GLB1L: variants seen among roughly 807,000 people sequenced by gnomAD.
GLB1L encodes galactosidase beta 1 like, also known as beta-galactosidase-1-like protein.
A neutral mutation model predicts 75.7 loss-of-function variants in GLB1L; 58 were observed. The observed-to-expected ratio is 0.77, with a 90% CI of 0.62 to 0.95. The LOEUF is 0.95. Among genes scored for constraint, GLB1L ranks in the 40% least tolerant of loss-of-function variants. GLB1L has a pLI of 0.00. For missense variants in GLB1L, 797 were observed against 805.5 expected (o/e 0.99, Z 0.13); for synonymous variants, 296 against 303.0 (o/e 0.98, Z 0.24).
At chr2:219,242,040 T>A (rs1559267045) in intron 5 of GLB1L, among the ~76,000 whole-genome samples, 1 of 151,956 alleles carries the variant, frequency 6.6e-6, no homozygotes, top group African/African-American at 2.4e-5. Context: ...CAGGCTGGAG[T>A]GTAGTTGTTC....
chr2:219,241,209 T>G (rs1274002556), intron 5 of GLB1L, among the ~76,000 whole-genome samples: 1 of 150,856 alleles, frequency 6.6e-6, no homozygotes, highest in African/African-American at 2.4e-5. Flanking sequence ...TGAAACCCCA[T>G]CTCTACTAAA....
In GLB1L at chr2:219,237,168, G is replaced by A. The variant is rs766386541; in HGVS notation, c.1869C>T (p.Ile623=). The part of the protein sequence containing the change: ...QPQVQFLDKP[I]LNSTSTLHRT... ...TGTGCAAAGTACTAGTGCTATTGAG[G>A]ATAGGCTTATCCAAAAATTGGACTT... is the stretch of plus-strand genomic sequence containing the variant. The change falls in exon 17 of 17, where the codon ATC becomes ATT. Residue 623 remains isoleucine (I), a synonymous_variant. Transcript: ENST00000295759. 1.2e-6 allele frequency: 2 copies of A among 1,614,142 alleles called. No homozygotes were observed. The highest frequency in any genetic ancestry group is 8.5e-7 in the Non-Finnish European group (1 of 1,179,972).
chr2:219,238,268 G>A lies in GLB1L; in HGVS notation c.1323C>T (p.Ala441=), dbSNP rs1306822095. 1 of 1,607,592 alleles carries A rather than the reference G, an allele frequency of 6.2e-7. No individual in the cohort carries two copies. The highest frequency in any genetic ancestry group is 1.1e-5 in the South Asian group (1 of 90,438). Reference sequence around the variant, plus strand: ...TTCTCACCCCATCCACCATCACATAGGCACGGTCATGGACTCCATTATTTG... The same window carrying A: ...TTCTCACCCCATCCACCATCACATAAGCACGGTCATGGACTCCATTATTTG... ...WVPNNGVHDR[A]YVMVDGVFQG... The change falls in exon 14 of 17, where the codon GCC becomes GCT. Residue 441 remains alanine, a synonymous_variant. Transcript: ENST00000295759.
Position 219,242,891 on chromosome 2 carries a change from T to G in GLB1L, c.267A>C (p.Pro89=). The G allele has an allele frequency of 1.9e-6, 3 of 1,614,224 alleles. No homozygotes were observed. Among genetic ancestry groups the G allele is most frequent in the Non-Finnish European group, 1.7e-6 (2 of 1,180,040 alleles). ...CATTAAAGTTATAGACCCCAGGCTG[T>G]GGCTCGTGGTAGTTCCAGGGCACAT... ...QFYVPWNYHE[P]QPGVYNFNGS... Residue 89 remains proline (P), a synonymous_variant, in exon 4 of 17, where the codon CCA becomes CCC. Coordinates refer to ENST00000295759, the MANE Select transcript of GLB1L (RefSeq NM_001286423.2).
In GLB1L at chr2:219,238,321, T is replaced by C. The variant is rs1439956898; in HGVS notation, c.1270A>G (p.Ile424Val). Reference sequence around the variant, plus strand: ...ACCCAGAATGGTGTTGGCTCAAAAATGGTATGGGTCATATAGGTTCGGTAC... The same window carrying C: ...ACCCAGAATGGTGTTGGCTCAAAAACGGTATGGGTCATATAGGTTCGGTAC... ...MLYRTYMTHT[I>V]FEPTPFWVPN... The change falls in exon 14 of 17, where the codon ATT (isoleucine) becomes GTT (valine). Residue 424 changes from isoleucine to valine, a missense_variant. Ile to Val is a conservative substitution (Grantham distance 29). Coordinates refer to ENST00000295759, the MANE Select transcript of GLB1L (RefSeq NM_001286423.2). 1.2e-6 allele frequency: 2 copies of C among 1,612,890 alleles called. No homozygotes were observed. The highest frequency in any genetic ancestry group is 1.3e-5 in the African/African-American group (1 of 74,846).
chr2:219,237,193 TG>T lies in GLB1L; in HGVS notation c.1843del (p.Gln615LysfsTer29). 2 of 1,614,192 alleles carry T rather than the reference TG, an allele frequency of 1.2e-6. No homozygotes were observed. Among genetic ancestry groups the T allele is most frequent in the Non-Finnish European group, 8.5e-7 (1 of 1,180,034 alleles). On this transcript the variant is annotated frameshift_variant, in exon 17 of 17. Coordinates refer to ENST00000295759, the MANE Select transcript of GLB1L (RefSeq NM_001286423.2). LOFTEE classifies it low-confidence loss of function (END_TRUNC). ...LELEDVPLQP[Q>X]VQFLDKPILN... The stretch of plus-strand genomic sequence containing the variant: ...GATAGGCTTATCCAAAAATTGGACT[TG>T]GGGCTGGAGAGGTACATCTTCTAGT...
At chr2:219,241,436 G>GGATATATATATA (rs1951385913) in intron 5 of GLB1L, among the ~76,000 whole-genome samples, 1 of 84,308 alleles carries the variant, frequency 1.2e-5, no homozygotes, top group East Asian at 5.6e-4. Context: ...GTGTGTGTGT[G>GGATATATATATA]TGTGTGTATA....
intron 16 of GLB1L, 53 bp from the exon 17 acceptor site, chr2:219,237,400 G>A (rs1951276064): frequency 1.9e-6 from 3 of 1,599,944 alleles, no homozygotes; most frequent in Non-Finnish European, 1.7e-6. Flanking sequence ...GCTCTCCAGG[G>A]GTAGAATCAT....
chr2:219,242,438 G>T, intron 5 of GLB1L, 76 bp downstream of exon 5: 2 of 1,033,358 alleles, frequency 1.9e-6, no homozygotes, highest in Non-Finnish European at 3.1e-6. Flanking sequence ...TTTGGGAATG[G>T]TCTCTTCTGC....
At position 219,243,535 on chromosome 2, in the gene GLB1L, C is replaced by A. The variant is rs1444830815; in HGVS notation, c.39G>T (p.Leu13=). ...GCAGTAGCGTCAGGCTGAGCGGCAGCAGCAGGGAACGAAGGCAGGACAGCT... is the reference window on the plus strand; with the variant it reads ...GCAGTAGCGTCAGGCTGAGCGGCAGAAGCAGGGAACGAAGGCAGGACAGCT... ...PKKLSCLRSL[L]LPLSLTLLLP... Residue 13 remains leucine (L), a synonymous_variant, in exon 2 of 17, where the codon CTG becomes CTT. Coordinates refer to ENST00000295759, the MANE Select transcript of GLB1L (RefSeq NM_001286423.2). The A allele has an allele frequency of 1.2e-6, 2 of 1,614,110 alleles. No individual in the cohort carries two copies. Among genetic ancestry groups the A allele is most frequent in the Non-Finnish European group, 8.5e-7 (1 of 1,180,058 alleles).
intron 5 of GLB1L, among the ~76,000 whole-genome samples, chr2:219,242,252 G>A (rs1951410378): frequency 6.7e-6 from 1 of 149,756 alleles, no homozygotes; most frequent in South Asian, 2.1e-4. Context: ...GCCTCTGAAA[G>A]TGCTGGGATC....
intron 5 of GLB1L, among the ~76,000 whole-genome samples, chr2:219,241,716 A>G (rs1951399728): frequency 6.6e-6 from 1 of 151,846 alleles, no homozygotes; most frequent in Non-Finnish European, 1.5e-5. Flanking sequence ...TAAGGAATTT[A>G]TGGTTCATAT....
intron 5 of GLB1L, among the ~76,000 whole-genome samples, chr2:219,240,976 C>G (rs923944103): frequency 6.6e-6 from 1 of 151,868 alleles, no homozygotes; most frequent in Non-Finnish European, 1.5e-5. Flanking sequence ...CCCAATTACT[C>G]GGGAGGCTGA....
rs1383211139 is a variant in GLB1L at position 219,239,673 on chromosome 2, C to CA, written c.789dup (p.Glu264Ter). 3.1e-6 allele frequency: 5 copies of CA among 1,614,188 alleles called. No homozygotes were observed. The highest frequency in any genetic ancestry group is 3.4e-6 in the Non-Finnish European group (4 of 1,180,038). ...TAATCCAGCCAGCCTGTGTAGTACT[C>CA]AGAGTTTACCTAGAGTGTGAAATGA... On this transcript the variant is annotated frameshift_variant, in exon 9 of 17. Coordinates refer to ENST00000295759, the MANE Select transcript of GLB1L (RefSeq NM_001286423.2). LOFTEE classifies it high-confidence loss of function.
Position 219,241,616 on chromosome 2 carries a change from G to A in GLB1L, c.451+898C>T, listed in dbSNP as rs368253427. On this transcript the variant is annotated intron_variant, in intron 5 of 16. Transcript: ENST00000295759. ...GGTGGGTCTGAAGAACAGCAATGAG[G>A]CCACTGTGGCTGGAGCAGAGTGAAC... 7.9e-5 allele frequency among the ~76,000 whole-genome samples: 12 copies of A among 151,756 alleles called. No individual in the cohort carries two copies. The East Asian group carries it at 1.7e-3, about 22-fold the overall frequency.
intron 5 of GLB1L, among the ~76,000 whole-genome samples, chr2:219,241,153 G>A (rs571066847): frequency 1.3e-5 from 2 of 152,032 alleles, no homozygotes; most frequent in East Asian, 3.9e-4. Context: ...GGCCAAGGCT[G>A]GCAGATCACG....
intron 16 of GLB1L, 61 bp downstream of exon 16, chr2:219,237,451 C>T (rs922458907): frequency 5.0e-6 from 8 of 1,604,724 alleles, no homozygotes; most frequent in East Asian, 2.2e-5. Flanking sequence ...TTCTGCTCCC[C>T]TCCTTCTGTG....
chr2:219,243,466 C>T (rs1574872004), intron 2 of GLB1L, 36 bp downstream of exon 2: 2 of 1,612,236 alleles, frequency 1.2e-6, no homozygotes, highest in East Asian at 2.2e-5. Context: ...ATCCCGCTCA[C>T]CGCACCCGGC....
chr2:219,239,509 C>G, intron 9 of GLB1L, 52 bp downstream of exon 9: 5 of 1,613,338 alleles, frequency 3.1e-6, no homozygotes, highest in Non-Finnish European at 4.2e-6. Flanking sequence ...TCTTAACTTT[C>G]ATCCCCAGCT....
Sources: gnomAD v4.1 joint callset for allele counts (sites outside exome capture counted in the v4.1 genomes callset) on GRCh38, gnomAD v4.1.1 for gene constraint, MANE v1.5 for transcripts, NCBI Gene and HGNC (gene_info 2026-07-23, HGNC 2026-07-21) for gene names.